The following ZNF426 variants were observed in gnomAD, a reference collection of about 807,000 sequenced individuals.
ZNF426 encodes the protein CTC-543D15.7.
ZNF426 carries 23 observed loss-of-function variants against 24.0 expected under a neutral mutation model. That is an observed-to-expected ratio of 0.96 (90% CI 0.69 to 1.36). ZNF426 has a LOEUF of 1.36. ZNF426 is among the 40% of genes most tolerant of loss of function. The pLI is 0.00. For missense variants in ZNF426, 646 were observed against 658.4 expected (o/e 0.98, Z 0.21); for synonymous variants, 272 against 224.6 (o/e 1.21, Z -1.89).
At chr19:9,531,431 A>G (rs1273934961) in intron 6 of ZNF426, among the ~76,000 whole-genome samples, 1 of 152,198 alleles carries the variant, frequency 6.6e-6, no homozygotes, top group Non-Finnish European at 1.5e-5. Context: ...AAGAGTTCAA[A>G]ACAATATGGC....
At chr19:9,534,375 T>A (rs909367333) in intron 4 of ZNF426, among the ~76,000 whole-genome samples, 1 of 151,028 alleles carries the variant, frequency 6.6e-6, no homozygotes, top group Non-Finnish European at 1.5e-5. Context: ...CCGGCTAATT[T>A]TTTGTATTTT....
intron 2 of ZNF426, among the ~76,000 whole-genome samples, 196 bp downstream of exon 2, chr19:9,538,063 A>G (rs778215821): frequency 3.9e-5 from 6 of 152,240 alleles, no homozygotes; most frequent in African/African-American, 7.2e-5. Flanking sequence ...CTTGCGGTCT[A>G]CAAACGTTTA....
At chr19:9,534,489 G>T (rs1374919110) in intron 4 of ZNF426, among the ~76,000 whole-genome samples, 2 of 152,206 alleles carry the variant, frequency 1.3e-5, no homozygotes, top group Non-Finnish European at 2.9e-5. Flanking sequence ...ACAGGCATGA[G>T]CCACTGTGCC....
chr19:9,534,076 T>C, intron 4 of ZNF426, 110 bp from the exon 5 acceptor site: 1 of 1,453,452 alleles, frequency 6.9e-7, no homozygotes, highest in Non-Finnish European at 9.3e-7. Flanking sequence ...AGGGCTGCAG[T>C]GACCAGCCCC....
intron 2 of ZNF426, 170 bp from the exon 3 acceptor site, chr19:9,536,526 C>A (rs2073968251): frequency 2.1e-6 from 1 of 467,276 alleles, no homozygotes; most frequent in East Asian, 3.7e-5. Flanking sequence ...CATAGCAAGA[C>A]CCTATCTCTA....
At chr19:9,537,323 A>C (rs149012036) in intron 2 of ZNF426, among the ~76,000 whole-genome samples, 13 of 152,244 alleles carry the variant, frequency 8.5e-5, no homozygotes, top group African/African-American at 2.9e-4. Flanking sequence ...CCCTAAAGTC[A>C]CAAAAACCAC....
chr19:9,536,337 A>C lies in ZNF426; in HGVS notation c.-105T>G. 6.2e-7 allele frequency: 1 copy of C among 1,607,254 alleles called. No individual in the cohort carries two copies. Among genetic ancestry groups the C allele is most frequent in the African/African-American group, 1.3e-5 (1 of 74,956 alleles). ...ACAGTGGCAATCTCCATTCCTCTTT[A>C]AACAGGGTTATTGGGATTCCTGTTG... On this transcript the variant is annotated 5_prime_UTR_variant, in exon 3 of 8. Transcript: ENST00000253115.
chr19:9,535,271 G>C lies in ZNF426; in HGVS notation c.34C>G (p.Leu12Val), dbSNP rs1568487243. The C allele has an allele frequency of 1.2e-6, 2 of 1,612,682 alleles. No individual in the cohort carries two copies. Among genetic ancestry groups the C allele is most frequent in the South Asian group, 1.1e-5 (1 of 91,028 alleles). The stretch of plus-strand genomic sequence containing the variant: ...TGAAGGCAAACTGGGTCCCCAGAAA[G>C]ATAATGTCCTGTAAGAAAATGAAGG... The part of the protein sequence containing the change: ...AAADLSHGHY[L>V]SGDPVCLHEE... Residue 12 changes from leucine (L) to valine (V), a missense_variant, in exon 4 of 8, where the codon CTT becomes GTT. Transcript: ENST00000253115.
Position 9,528,423 on chromosome 19 carries a change from T to C in ZNF426, c.1622A>G (p.Tyr541Cys). Residue 541 changes from tyrosine to cysteine, a missense_variant, in exon 8 of 8, where the codon TAC (tyrosine) becomes TGC (cysteine). Transcript: ENST00000253115. The stretch of plus-strand genomic sequence containing the variant: ...TCTTCGAAGTGAACGGGGATGACTG[T>C]AAGCTTTCCCGCATTGCTGACATTT... The part of the protein sequence containing the change: ...PYKCQQCGKA[Y>C]SHPRSLRRHE... 1.2e-6 allele frequency: 2 copies of C among 1,609,610 alleles called. No individual in the cohort carries two copies. Among genetic ancestry groups the C allele is most frequent in the Non-Finnish European group, 1.7e-6 (2 of 1,178,328 alleles).
rs1040392853 is a variant in ZNF426 at position 9,527,366 on chromosome 19, A to C, written c.*1014T>G. ...TCCTAATGGGATTTCAGTCCACTCC[A>C]AGTTCCAGTATGGTGTATGGGGTCA... On this transcript the variant is annotated 3_prime_UTR_variant, in exon 8 of 8. Transcript: ENST00000253115. 6.6e-6 allele frequency: 1 copy of C among 152,208 alleles called. No individual in the cohort carries two copies. Among genetic ancestry groups the C allele is most frequent in the African/African-American group, 2.4e-5 (1 of 41,448 alleles). The allele number at this position is 152,208 out of a possible 1,614,324, so 9.4% of individuals were successfully genotyped here. A position where few individuals can be genotyped will look rare whatever the true frequency, so the allele number is the denominator to read the frequency against.
Position 9,528,266 on chromosome 19 carries a change from G to T in ZNF426, c.*114C>A. 2 of 1,151,288 alleles carry T rather than the reference G, an allele frequency of 1.7e-6. No homozygotes were observed. The highest frequency in any genetic ancestry group is 1.2e-6 in the Non-Finnish European group (1 of 827,222). The allele number at this position is 1,151,288 out of a possible 1,614,324, so 71.3% of individuals were successfully genotyped here. A position where few individuals can be genotyped will look rare whatever the true frequency, so the allele number is the denominator to read the frequency against. On this transcript the variant is annotated 3_prime_UTR_variant, in exon 8 of 8. Coordinates refer to ENST00000253115, the MANE Select transcript of ZNF426 (RefSeq NM_024106.3). Reference sequence around the variant, plus strand: ...GCCTCTCAAAATGCTGGGATTACAGGAATTAAGTAATTTTCATGCAGCTTC... The same window carrying T: ...GCCTCTCAAAATGCTGGGATTACAGTAATTAAGTAATTTTCATGCAGCTTC...
Position 9,528,834 on chromosome 19 carries a change from G to A in ZNF426, c.1211C>T (p.Ser404Phe), listed in dbSNP as rs780530166. The A allele has an allele frequency of 5.6e-6, 9 of 1,614,112 alleles. No homozygotes were observed. The South Asian group carries it at 8.8e-5, about 16-fold the overall frequency. The change falls in exon 8 of 8, where the codon TCC becomes TTC. Residue 404 changes from serine (S) to phenylalanine (F), a missense_variant. Transcript: ENST00000253115. The part of the protein sequence containing the change: ...CVECGKAFAV[S>F]SNLSGHLRTH... Reference sequence around the variant, plus strand: ...TCTCAAATGTCCACTAAGATTTGAGGAAACTGCAAAGGCTTTCCCACATTC... The same window carrying A: ...TCTCAAATGTCCACTAAGATTTGAGAAAACTGCAAAGGCTTTCCCACATTC...
In ZNF426 at chr19:9,529,079, T is replaced by A; in HGVS notation, c.966A>T (p.Ser322=). The A allele has an allele frequency of 6.2e-7, 1 of 1,613,440 alleles. No individual in the cohort carries two copies. The highest frequency in any genetic ancestry group is 8.5e-7 in the Non-Finnish European group (1 of 1,179,812). The change falls in exon 8 of 8, where the codon TCA becomes TCT. Residue 322 remains serine (S), a synonymous_variant. Transcript: ENST00000253115. ...TGTGAGTTCTTCCATGTATCTGAAA[T>A]GAGTTGGAATAATTGAAGGCTTTCC... ...ECGKAFNYSN[S]FQIHGRTHTG...
chr19:9,535,209 GT>G lies in ZNF426; in HGVS notation c.95del (p.Asp32AlafsTer3). 1 of 1,613,222 alleles carries G rather than the reference GT, an allele frequency of 6.2e-7. No individual in the cohort carries two copies. Among genetic ancestry groups the G allele is most frequent in the Non-Finnish European group, 8.5e-7 (1 of 1,179,456 alleles). On this transcript the variant is annotated frameshift_variant, in exon 4 of 8. Coordinates refer to ENST00000253115, the MANE Select transcript of ZNF426 (RefSeq NM_024106.3). LOFTEE classifies it high-confidence loss of function. ...EKTPAGRIVA[D>X]CLTDCYQDSV... ...TTACCTGATAACAATCTGTTAGGCA[GT>G]CAGCCACTATTCTTCCTGCTGGTGT...
chr19:9,536,463 G>T, intron 2 of ZNF426, 107 bp from the exon 3 acceptor site: 2 of 1,125,586 alleles, frequency 1.8e-6, no homozygotes, highest in Non-Finnish European at 2.5e-6. Context: ...CATTTTGGGA[G>T]GCCAGGGTGG....
intron 2 of ZNF426, among the ~76,000 whole-genome samples, chr19:9,537,450 T>G (rs1401273638): frequency 2.9e-5 from 3 of 103,084 alleles, no homozygotes; most frequent in East Asian, 5.3e-4. Flanking sequence ...AATATTTAAC[T>G]CTTTTTTTTT....
intron 6 of ZNF426, among the ~76,000 whole-genome samples, chr19:9,532,357 T>G (rs1226231143): frequency 6.9e-6 from 1 of 145,302 alleles, no homozygotes; most frequent in African/African-American, 2.6e-5. Flanking sequence ...AGTACAGTGG[T>G]GCAATCACAT....
rs1375416667 is a variant in ZNF426 at position 9,523,916 on chromosome 19, A to G, written c.*4464T>C. On this transcript the variant is annotated 3_prime_UTR_variant, in exon 8 of 8. Coordinates refer to ENST00000253115, the MANE Select transcript of ZNF426 (RefSeq NM_024106.3). ...TGGCCCAGGGGTTTGGGGATCCCTG[A>G]CCTAGGCCATTCCACTTATTATAGT... 1.3e-5 allele frequency: 2 copies of G among 152,218 alleles called. No homozygotes were observed. The highest frequency in any genetic ancestry group is 4.8e-5 in the African/African-American group (2 of 41,454). 9.4% of individuals were successfully genotyped at this position (152,218 alleles called of 1,614,324 possible).
rs2144758184 is a variant in ZNF426 at position 9,523,994 on chromosome 19, C to G, written c.*4386G>C. 2.0e-5 allele frequency: 3 copies of G among 152,360 alleles called. No homozygotes were observed. In the South Asian group the frequency reaches 6.2e-4, roughly 32 times the overall value. The allele number at this position is 152,360 out of a possible 1,614,324, so 9.4% of individuals were successfully genotyped here. A position where few individuals can be genotyped will look rare whatever the true frequency, so the allele number is the denominator to read the frequency against. Reference sequence around the variant, plus strand: ...CATATGAATATTAAAGCTTGTGGAACATAAAAGGGTTTTCCCACAATCCTT... The same window carrying G: ...CATATGAATATTAAAGCTTGTGGAAGATAAAAGGGTTTTCCCACAATCCTT... On this transcript the variant is annotated 3_prime_UTR_variant, in exon 8 of 8. Transcript: ENST00000253115.
Sources: gnomAD v4.1 joint callset for allele counts (sites outside exome capture counted in the v4.1 genomes callset) on GRCh38, gnomAD v4.1.1 for gene constraint, MANE v1.5 for transcripts, NCBI Gene and HGNC (gene_info 2026-07-23, HGNC 2026-07-21) for gene names.